WDFY3: variants seen among roughly 807,000 people sequenced by gnomAD.
WDFY3 encodes the protein WD repeat and FYVE domain containing 3.
A neutral mutation model predicts 409.6 loss-of-function variants in WDFY3; 66 were observed. The ratio of observed to expected loss-of-function variants is 0.16; its 90% CI spans 0.13 to 0.20. The LOEUF (loss-of-function observed/expected upper bound fraction) is 0.20, where lower values mean the gene tolerates loss of function less well. Ranked by LOEUF, WDFY3 falls within the 10% of genes least tolerant of loss-of-function variation. The probability of loss-of-function intolerance (pLI) is 1.00; values close to 1 mark genes in which losing one functional copy is unlikely to be tolerated. For missense variants in WDFY3, 3,031 were observed against 4,298.1 expected, an observed-to-expected ratio of 0.71 and a Z score of 8.24; for synonymous variants, 1,521 against 1,537.1, an observed-to-expected ratio of 0.99 and a Z score of 0.25.
chr4:84,804,561 T>C (rs1367923420), intron 15 of WDFY3, among the ~76,000 whole-genome samples: 2 of 152,236 alleles, frequency 1.3e-5, no homozygotes, highest in Non-Finnish European at 2.9e-5. Flanking sequence ...ATTCATGTTT[T>C]CACTCCCTGT....
chr4:84,902,879 A>G (rs1194616729), intron 2 of WDFY3, among the ~76,000 whole-genome samples: 1 of 152,200 alleles, frequency 6.6e-6, no homozygotes, highest in Non-Finnish European at 1.5e-5. Context: ...TAGCATATGT[A>G]AAGTCTTTGA....
At chr4:84,784,642 A>G (rs957728244) in intron 24 of WDFY3, among the ~76,000 whole-genome samples, 2 of 151,710 alleles carry the variant, frequency 1.3e-5, no homozygotes, top group Non-Finnish European at 2.9e-5. Context: ...GTTTGAGACC[A>G]GCCTGGCCAA....
intron 24 of WDFY3, 41 bp from the exon 25 acceptor site, chr4:84,783,115 C>G (rs1354217100): frequency 1.3e-6 from 2 of 1,552,798 alleles, no homozygotes; most frequent in Non-Finnish European, 1.8e-6. Flanking sequence ...TATATAAGAA[C>G]AGTTTCAATG....
At chr4:84,951,919 G>C (rs1773662826) in intron 1 of WDFY3, among the ~76,000 whole-genome samples, 1 of 152,146 alleles carries the variant, frequency 6.6e-6, no homozygotes, top group Non-Finnish European at 1.5e-5. Context: ...TCAAAAAGTA[G>C]TTCATTTTTG....
rs1197725470 is a variant in WDFY3, at chr4:84,810,228, T to C, written c.2004A>G (p.Pro668=). Residue 668 remains proline, a synonymous_variant, in exon 14 of 68, where the codon CCA becomes CCG. Transcript: ENST00000295888. ...TCACTTTCTCCCAGCCATTCTTGGG[T>C]GGACAGCTCAAAGATCTTTCCATAG... The part of the protein sequence containing the change: ...LVAMERSLSC[P]PKNGWEKVNQ... 5.6e-6 allele frequency: 9 copies of C among 1,614,088 alleles called. No individual in the cohort carries two copies. Among genetic ancestry groups the C allele is most frequent in the South Asian group, 1.1e-5 (1 of 91,078 alleles).
chr4:84,823,151 A>G (rs1186157230), intron 10 of WDFY3, among the ~76,000 whole-genome samples: 1 of 152,196 alleles, frequency 6.6e-6, no homozygotes, highest in Non-Finnish European at 1.5e-5. Context: ...GGACAGGTAC[A>G]TGGATCAATC....
intron 4 of WDFY3, 48 bp downstream of exon 4, chr4:84,860,364 T>C (rs1308181361): frequency 6.4e-7 from 1 of 1,550,894 alleles, no homozygotes; most frequent in East Asian, 2.3e-5. Context: ...CAGATTCTTG[T>C]AGTGCCCCCC....
intron 1 of WDFY3, among the ~76,000 whole-genome samples, chr4:84,950,456 T>C (rs1773463481): frequency 6.6e-6 from 1 of 151,840 alleles, no homozygotes; most frequent in Non-Finnish European, 1.5e-5. Context: ...TAGGCTAAAC[T>C]AGTATATGAA....
chr4:84,733,686 C>T, intron 43 of WDFY3, 77 bp from the exon 44 acceptor site: 1 of 1,359,944 alleles, frequency 7.4e-7, no homozygotes, highest in Non-Finnish European at 1.0e-6. Flanking sequence ...CACTGAAAAT[C>T]AAGTTATTAT....
intron 1 of WDFY3, among the ~76,000 whole-genome samples, chr4:84,964,424 G>A (rs796438929): frequency 8.5e-5 from 13 of 152,318 alleles, no homozygotes; most frequent in African/African-American, 2.6e-4. Context: ...AACCGTGATC[G>A]TGCCACTACA....
intron 33 of WDFY3, 85 bp downstream of exon 33, chr4:84,756,841 G>A: frequency 7.5e-7 from 1 of 1,336,766 alleles, no homozygotes; most frequent in Non-Finnish European, 1.0e-6. Context: ...GGAATTGACA[G>A]TTGGTTTTAC....
At chr4:84,828,396 G>C (rs1405176642) in intron 9 of WDFY3, among the ~76,000 whole-genome samples, 1 of 152,040 alleles carries the variant, frequency 6.6e-6, no homozygotes, top group East Asian at 1.9e-4. Flanking sequence ...AAAAAGACTA[G>C]AAGTACTATA....
chr4:84,862,261 C>T (rs1760747530), intron 3 of WDFY3, among the ~76,000 whole-genome samples: 4 of 152,156 alleles, frequency 2.6e-5, no homozygotes, highest in Admixed American at 2.6e-4. Flanking sequence ...CTGCCTAGAA[C>T]TCTGCCAATG....
intron 2 of WDFY3, among the ~76,000 whole-genome samples, chr4:84,898,173 T>C (rs561056713): frequency 1.3e-5 from 2 of 152,352 alleles, no homozygotes; most frequent in African/African-American, 4.8e-5. Context: ...ACAGCTATTA[T>C]GTGTCTAGTG....
intron 44 of WDFY3, among the ~76,000 whole-genome samples, chr4:84,731,546 GTC>G (rs1736610166): frequency 1.3e-5 from 2 of 152,162 alleles, no homozygotes; most frequent in East Asian, 3.9e-4. Flanking sequence ...TTTCTCAACT[GTC>G]TAGTATTTTC....
intron 25 of WDFY3, among the ~76,000 whole-genome samples, chr4:84,781,714 T>C (rs950084414): frequency 1.3e-5 from 2 of 152,212 alleles, no homozygotes; most frequent in African/African-American, 4.8e-5. Flanking sequence ...CCTAAGTCTC[T>C]GAACTTACTG....
chr4:84,831,317 A>G (rs749118942), intron 8 of WDFY3, 96 bp downstream of exon 8: 1 of 971,796 alleles, frequency 1.0e-6, no homozygotes, highest in Non-Finnish European at 1.4e-6. Context: ...TTTAAAGAAC[A>G]AGCTTTAGAA....
intron 1 of WDFY3, among the ~76,000 whole-genome samples, chr4:84,950,575 A>G (rs1052361047): frequency 1.3e-5 from 2 of 152,126 alleles, no homozygotes; most frequent in African/African-American, 4.8e-5. Flanking sequence ...GTGGATCATG[A>G]TGTTAGGAGA....
chr4:84,736,413 C>G, intron 41 of WDFY3, 86 bp from the exon 42 acceptor site: 2 of 1,309,742 alleles, frequency 1.5e-6, no homozygotes, highest in Non-Finnish European at 2.0e-6. Context: ...TTATAAACTA[C>G]AACCCTGTAG....
Sources: gnomAD v4.1 joint callset for allele counts (sites outside exome capture counted in the v4.1 genomes callset) on GRCh38, gnomAD v4.1.1 for gene constraint, MANE v1.5 for transcripts, NCBI Gene and HGNC (gene_info 2026-07-23, HGNC 2026-07-21) for gene names.